The following CD177 variants were observed in gnomAD, a reference collection of about 807,000 sequenced individuals.
The protein encoded by CD177 is CD177 antigen.
CD177 carries 41 observed loss-of-function variants against 38.1 expected under a neutral mutation model. The observed-to-expected ratio is 1.07, with a 90% CI of 0.84 to 1.39. The LOEUF (loss-of-function observed/expected upper bound fraction) is 1.39, where lower values mean the gene tolerates loss of function less well. CD177 is among the 40% of genes most tolerant of loss of function. The pLI, the probability that CD177 is intolerant of heterozygous loss-of-function variation, is 0.00. For synonymous variants in CD177, 236 were observed against 216.7 expected (o/e 1.09, Z -0.78); for missense variants, 619 against 523.8 (o/e 1.18, Z -1.77).
At chr19:43,362,043 T>A in intron 8 of CD177, 45 bp from the exon 9 acceptor site, 3 of 1,553,172 alleles carry the variant, frequency 1.9e-6, no homozygotes, top group Non-Finnish European at 2.7e-6. Context: ...ACAACTTGGC[T>A]GGGCTGTACT....
rs898201992 is a variant in CD177 at position 43,362,442 on chromosome 19, CCA to C, written c.*129_*130del. On this transcript the variant is annotated 3_prime_UTR_variant, in exon 9 of 9. Transcript: ENST00000618265. ...CCATTCTGTCCATGAATCATCTTCC[CCA>C]CACACAATCATTCATATCTACTCAC... The C allele has an allele frequency of 5.5e-5, 32 of 585,650 alleles. No individual in the cohort carries two copies. In the African/African-American group the frequency reaches 5.8e-4, roughly 11 times the overall value. The allele number at this position is 585,650 out of a possible 1,614,324, so 36.3% of individuals were successfully genotyped here. A position where few individuals can be genotyped will look rare whatever the true frequency, so the allele number is the denominator to read the frequency against.
chr19:43,355,482 A>G (rs116634255), intron 3 of CD177, 179 bp from the exon 4 acceptor site: 39 of 694,812 alleles, frequency 5.6e-5, no homozygotes, highest in African/African-American at 5.3e-4. Flanking sequence ...TTCCTCTTTT[A>G]TGGATTACAC....
intron 5 of CD177, among the ~76,000 whole-genome samples, chr19:43,359,767 C>A (rs1164160079): frequency 1.0e-5 from 1 of 99,596 alleles, no homozygotes; most frequent in Non-Finnish European, 2.0e-5. Context: ...AAGCTGTGTT[C>A]CCTGGAACCT....
At chr19:43,354,091 C>G (rs1426509386) in intron 2 of CD177, 98 bp downstream of exon 2, 7 of 1,566,832 alleles carry the variant, frequency 4.5e-6, no homozygotes, top group Middle Eastern at 2.3e-4. Context: ...GGATCGACTC[C>G]TAGGGTCCCG....
intron 6 of CD177, chr19:43,360,746 C>A: frequency 4.8e-6 from 2 of 420,428 alleles, no homozygotes; most frequent in Non-Finnish European, 8.7e-6. Context: ...CCAATCCCAT[C>A]TGTATTCCTG....
intron 3 of CD177, among the ~76,000 whole-genome samples, chr19:43,355,122 T>C (rs1969906822): frequency 1.7e-5 from 2 of 117,908 alleles, no homozygotes; most frequent in African/African-American, 7.1e-5. Flanking sequence ...TTTTTTTTTT[T>C]TTTTTTTCTG....
In CD177 at chr19:43,362,612, C is replaced by A; in HGVS notation, c.*292C>A. The A allele has an allele frequency of 3.6e-6, 1 of 275,254 alleles. No homozygotes were observed. Among genetic ancestry groups the A allele is most frequent in the Non-Finnish European group, 6.8e-6 (1 of 147,670 alleles). 17.1% of individuals were successfully genotyped at this position (275,254 alleles called of 1,614,324 possible). A position where few individuals can be genotyped will look rare whatever the true frequency, so the allele number is the denominator to read the frequency against. ...GGGATTTCTCCATGTGAGGGGGCAG[C>A]AGGACACCCAGGGATCTAGCGTGGG... On this transcript the variant is annotated 3_prime_UTR_variant, in exon 9 of 9. Transcript: ENST00000618265.
chr19:43,355,175 G>A (rs1414864636), intron 3 of CD177, among the ~76,000 whole-genome samples: 4 of 138,810 alleles, frequency 2.9e-5, no homozygotes, highest in East Asian at 2.3e-4. Context: ...GTGCAGTGGC[G>A]CAATCTCGGC....
Position 43,353,948 on chromosome 19 carries a change from G to A in CD177, c.148G>A (p.Asp50Asn), listed in dbSNP as rs1199105268. The change falls in exon 2 of 9, where the codon GAC becomes AAC. Residue 50 changes from aspartate to asparagine, a missense_variant. Physicochemically the swap from Asp to Asn is conservative, Grantham distance 23 (BLOSUM62 1). Transcript: ENST00000618265. Reference protein sequence around the residue: ...RQWTPKNTSCDSGLGCQDTLM... With the variant: ...RQWTPKNTSCNSGLGCQDTLM... ...ATGGACCCCTAAGAACACCAGCTGC[G>A]ACAGCGGCTTGGGGTGCCAGGACAC... 6.2e-7 allele frequency: 1 copy of A among 1,613,772 alleles called. No homozygotes were observed. The highest frequency in any genetic ancestry group is 8.5e-7 in the Non-Finnish European group (1 of 1,179,842).
chr19:43,361,060 G>A (rs1870475516), intron 6 of CD177, 83 bp from the exon 7 acceptor site: 5 of 644,434 alleles, frequency 7.8e-6, no homozygotes, highest in Non-Finnish European at 1.4e-5. Context: ...GGGGTATTGT[G>A]AAGGGCAGGG....
chr19:43,354,711 G>T (rs1258898074), intron 3 of CD177, among the ~76,000 whole-genome samples: 3 of 152,098 alleles, frequency 2.0e-5, no homozygotes, highest in African/African-American at 7.2e-5. Context: ...ATTCTGTTGC[G>T]TTTGGTTCAA....
Position 43,362,985 on chromosome 19 carries a change from G to A in CD177, c.*665G>A, listed in dbSNP as rs1969995558. ...TGTAGCGTGCACTTACACCAACCCA[G>A]ATGGTACAGCCCAATACACACCCAG... On this transcript the variant is annotated 3_prime_UTR_variant, in exon 9 of 9. Transcript: ENST00000618265. 6.6e-6 allele frequency: 1 copy of A among 152,216 alleles called. No homozygotes were observed. The highest frequency in any genetic ancestry group is 1.9e-4 in the East Asian group (1 of 5,192). The allele number at this position is 152,216 out of a possible 1,614,324, so 9.4% of individuals were successfully genotyped here. A position where few individuals can be genotyped will look rare whatever the true frequency, so the allele number is the denominator to read the frequency against.
At chr19:43,365,724 G>A (rs1323279653), downstream of CD177, among the ~76,000 whole-genome samples, 10 of 149,918 alleles carry the variant, frequency 6.7e-5, no homozygotes, top group East Asian at 2.0e-4. Context: ...CCAGCTCACC[G>A]TGAGGACCCA....
intron 2 of CD177, 106 bp downstream of exon 2, chr19:43,354,099 C>T (rs1287735306): frequency 2.6e-6 from 4 of 1,561,522 alleles, no homozygotes; most frequent in Middle Eastern, 2.3e-4. Context: ...TCCTAGGGTC[C>T]CGGTGATCCC....
intron 8 of CD177, 79 bp downstream of exon 8, chr19:43,361,658 G>A: frequency 2.1e-6 from 3 of 1,445,956 alleles, no homozygotes; most frequent in South Asian, 2.5e-5. Flanking sequence ...AGGGGCTGGG[G>A]GCCTGGACTC....
At chr19:43,362,054 C>G in intron 8 of CD177, 34 bp from the exon 9 acceptor site, 1 of 1,590,598 alleles carries the variant, frequency 6.3e-7, no homozygotes, top group African/African-American at 1.3e-5. Context: ...GGGCTGTACT[C>G]TGTGTCCTTT....
chr19:43,354,946 A>G (rs1015709178), intron 3 of CD177, among the ~76,000 whole-genome samples: 5 of 151,378 alleles, frequency 3.3e-5, no homozygotes, highest in Admixed American at 2.6e-4. Context: ...CCCTTGACCA[A>G]TGAGTCTGCT....
rs1425732939 is a variant in CD177, at chr19:43,354,368, C to A, written c.355C>A (p.Leu119Ile). Residue 119 changes from leucine to isoleucine, a missense_variant, in exon 3 of 9, where the codon CTT (leucine) becomes ATT (isoleucine). Physicochemically the swap from Leu to Ile is conservative, Grantham distance 5. Coordinates refer to ENST00000618265, the MANE Select transcript of CD177 (RefSeq NM_020406.4). ...FCNNLVNSLP[L>I]WAPQPPADPG... The stretch of plus-strand genomic sequence containing the variant: ...CAACAACCTCGTTAACTCCCTCCCG[C>A]TTTGGGCCCCACAGCCCCCAGCAGG... 3 of 1,613,854 alleles carry A rather than the reference C, an allele frequency of 1.9e-6. No individual in the cohort carries two copies. The African/African-American group carries it at 4.0e-5, about 22-fold the overall frequency.
chr19:43,355,463 C>A, intron 3 of CD177, 198 bp from the exon 4 acceptor site: 1 of 616,804 alleles, frequency 1.6e-6, no homozygotes, highest in Non-Finnish European at 2.9e-6. Flanking sequence ...ACCTCCTGTT[C>A]ATTCTCCCTT....
Sources: gnomAD v4.1 joint callset for allele counts (sites outside exome capture counted in the v4.1 genomes callset) on GRCh38, gnomAD v4.1.1 for gene constraint, MANE v1.5 for transcripts, NCBI Gene and HGNC (gene_info 2026-07-23, HGNC 2026-07-21) for gene names.